FASTKD3: variants seen among roughly 807,000 people sequenced by gnomAD.
The protein encoded by FASTKD3 is FAST kinase domain-containing protein 3, mitochondrial.
FASTKD3 carries 47 observed loss-of-function variants against 49.7 expected under a neutral mutation model. That is an observed-to-expected ratio of 0.95 (90% confidence interval 0.75 to 1.21). The LOEUF is 1.21. Ranked by LOEUF, FASTKD3 falls within the 50% of genes most tolerant of loss-of-function variation. FASTKD3 has a pLI of 0.00. For missense variants in FASTKD3, 748 were observed against 765.7 expected (o/e 0.98, Z 0.27); for synonymous variants, 284 against 288.6 (o/e 0.98, Z 0.16).
intron 6 of FASTKD3, among the ~76,000 whole-genome samples, chr5:7,860,104 T>C (rs1746426954): frequency 6.6e-6 from 1 of 152,172 alleles, no homozygotes; most frequent in Non-Finnish European, 1.5e-5. Flanking sequence ...GGGTCTTGAA[T>C]GTTAAGATGT....
rs775138318 is a variant in FASTKD3 at position 7,859,319 on chromosome 5, G to A, written c.*116C>T. ...ATAAGGAAAACTACAGATGCTTTCA[G>A]ATCACCAGTCTAGAACATATTCTGC... On this transcript the variant is annotated 3_prime_UTR_variant, in exon 7 of 7. Transcript: ENST00000264669. 7.5e-6 allele frequency: 4 copies of A among 534,994 alleles called. No individual in the cohort carries two copies. Among genetic ancestry groups the A allele is most frequent in the South Asian group, 3.5e-5 (1 of 28,946 alleles). 33.1% of individuals were successfully genotyped at this position (534,994 alleles called of 1,614,324 possible).
rs758385971 is a variant in FASTKD3, at chr5:7,859,536, G to T, written c.1888C>A (p.Pro630Thr). Residue 630 changes from proline to threonine, a missense_variant, in exon 7 of 7, where the codon CCC (proline) becomes ACC (threonine). Physicochemically the swap from Pro to Thr is conservative, Grantham distance 38. This residue lies in a region of FASTKD3 where 178 missense variants were observed against 182.2 expected (regional missense o/e 0.98). Transcript: ENST00000264669. ...TTTAGCATCCCAATCTCATGATAGG[G>T]GATCTGTAAAGGTAGAAAAGTAAAA... ...QLLGYQVVQI[P>T]YHEIGMLKSR... 6.3e-7 allele frequency: 1 copy of T among 1,583,780 alleles called. No individual in the cohort carries two copies. Among genetic ancestry groups the T allele is most frequent in the Non-Finnish European group, 8.6e-7 (1 of 1,161,152 alleles).
chr5:7,868,858 C>G (rs1747289219), intron 1 of FASTKD3, 121 bp downstream of exon 1: 1 of 544,892 alleles, frequency 1.8e-6, no homozygotes, highest in African/African-American at 1.9e-5. Context: ...CACCCCCAAA[C>G]TCGGCGCCCC....
Position 7,861,625 on chromosome 5 carries a change from C to A in FASTKD3, c.1727G>T (p.Gly576Val). 6.2e-7 allele frequency: 1 copy of A among 1,607,176 alleles called. No individual in the cohort carries two copies. The highest frequency in any genetic ancestry group is 1.1e-5 in the South Asian group (1 of 89,526). Residue 576 changes from glycine to valine, a missense_variant, in exon 5 of 7, where the codon GGA becomes GTA. By Grantham distance (109) the Gly-to-Val change is moderately radical (BLOSUM62 -3). Transcript: ENST00000264669. ...ATTAGCTGTGGATGGCAATACAAAT[C>A]CTTCTTCATCTAATTTAATTTCAAC... Reference protein sequence around the residue: ...IDVEIKLDEEGFVLPSTANED... With the variant: ...IDVEIKLDEEVFVLPSTANED...
At chr5:7,866,601 C>A in intron 2 of FASTKD3, 45 bp downstream of exon 2, 2 of 1,422,544 alleles carry the variant, frequency 1.4e-6, no homozygotes, top group South Asian at 2.8e-5. Flanking sequence ...ACTGCCAGTT[C>A]AAAGGTTACT....
chr5:7,863,889 T>C (rs1239478450), intron 3 of FASTKD3, among the ~76,000 whole-genome samples: 2 of 152,174 alleles, frequency 1.3e-5, no homozygotes, highest in Admixed American at 1.3e-4. Context: ...TCACTCTTGT[T>C]GCCCAGGCTG....
At position 7,867,832 on chromosome 5, in the gene FASTKD3, T is replaced by TA. The variant is rs1316791775; in HGVS notation, c.251dup (p.Ser85IlefsTer2). ...TTTGTTCAAGCCTGTCGCAGTCAGA[T>TA]ACTTGAGAGAACACTGGTCCACCGA... On this transcript the variant is annotated frameshift_variant, in exon 2 of 7. Coordinates refer to ENST00000264669, the MANE Select transcript of FASTKD3 (RefSeq NM_024091.4). LOFTEE classifies it high-confidence loss of function. The TA allele has an allele frequency of 6.2e-7, 1 of 1,614,080 alleles. No homozygotes were observed. The highest frequency in any genetic ancestry group is 1.3e-5 in the African/African-American group (1 of 74,914).
chr5:7,861,688 T>C, intron 4 of FASTKD3, 36 bp from the exon 5 acceptor site: 8 of 1,592,886 alleles, frequency 5.0e-6, no homozygotes, highest in Non-Finnish European at 6.0e-6. Flanking sequence ...CCTCGTGTGA[T>C]ACCCTCACAA....
chr5:7,868,644 G>A (rs1046654005), intron 1 of FASTKD3, among the ~76,000 whole-genome samples: 1 of 152,168 alleles, frequency 6.6e-6, no homozygotes, highest in Admixed American at 6.5e-5. Context: ...GAAGGTTAGT[G>A]TTGAAGGAAA....
Position 7,861,643 on chromosome 5 carries a change from A to C in FASTKD3, c.1709T>G (p.Ile570Ser). ...TPYCYTIDVE[I>S]KLDEEGFVLP... is the part of the protein sequence containing the mutation. ...TACAAATCCTTCTTCATCTAATTTAATTTCAACATCTGGTGAGAGAAGAAA... is the reference window on the plus strand; with the variant it reads ...TACAAATCCTTCTTCATCTAATTTACTTTCAACATCTGGTGAGAGAAGAAA... Residue 570 changes from isoleucine (I) to serine (S), a missense_variant, in exon 5 of 7, where the codon ATT becomes AGT. Ile to Ser is a moderately radical substitution (Grantham distance 142). Around this residue, in one of 3 missense-constraint regions of FASTKD3, gnomAD observed 178 missense variants for 182.2 expected, o/e 0.98. Transcript: ENST00000264669. The C allele has an allele frequency of 6.2e-7, 1 of 1,608,762 alleles. No individual in the cohort carries two copies. The highest frequency in any genetic ancestry group is 8.5e-7 in the Non-Finnish European group (1 of 1,177,268).
rs1746509155 is a variant in FASTKD3 at position 7,861,218 on chromosome 5, G to C, written c.1815C>G (p.Ser605Arg). The change falls in exon 6 of 7, where the codon AGC becomes AGG. Residue 605 changes from serine (S) to arginine (R), a missense_variant. Around this residue, in one of 3 missense-constraint regions of FASTKD3, gnomAD observed 178 missense variants for 182.2 expected, o/e 0.98. Transcript: ENST00000264669. ...IDGPKRFCSN[S>R]KHLLGKEAIK... ...TAGCTTCTTTCCCCAGTAAGTGTTT[G>C]CTATTGGAGCAAAACCTTTTTGGAC... 1 of 1,612,404 alleles carries C rather than the reference G, an allele frequency of 6.2e-7. No homozygotes were observed. Among genetic ancestry groups the C allele is most frequent in the Non-Finnish European group, 8.5e-7 (1 of 1,178,940 alleles).
At chr5:7,864,120 C>T (rs867648000) in intron 3 of FASTKD3, among the ~76,000 whole-genome samples, 4 of 152,006 alleles carry the variant, frequency 2.6e-5, no homozygotes, top group Non-Finnish European at 2.9e-5. Context: ...AAAAGTGCTG[C>T]GATTACAGGC....
chr5:7,866,567 T>C (rs74569899), intron 2 of FASTKD3, 79 bp downstream of exon 2: 2 of 1,057,630 alleles, frequency 1.9e-6, no homozygotes, highest in African/African-American at 3.2e-5. Context: ...GGCAACATAT[T>C]GCCTTTATAT....
chr5:7,860,999 A>G (rs1047896990), intron 6 of FASTKD3, 150 bp downstream of exon 6: 1 of 509,934 alleles, frequency 2.0e-6, no homozygotes, highest in African/African-American at 1.9e-5. Context: ...AGCCATTTCG[A>G]GTTTTGTGCT....
At position 7,862,333 on chromosome 5, in the gene FASTKD3, GCAGCCATGAGC is replaced by G. The variant is rs890455427; in HGVS notation, c.1699+479_1699+489del. On this transcript the variant is annotated intron_variant, in intron 4 of 6. Coordinates refer to ENST00000264669, the MANE Select transcript of FASTKD3 (RefSeq NM_024091.4). The stretch of plus-strand genomic sequence containing the variant: ...CTTTATAATGGTGCTGTCCAATTTG[GCAGCCATGAGC>G]CACATGTGGCTACTGAGCACTTACA... Among the ~76,000 whole-genome samples the G allele has an allele frequency of 1.4e-4, 21 of 152,062 alleles. 1 individual carries two copies. The highest frequency in any genetic ancestry group is 8.5e-4 in the Admixed American group (13 of 15,266).
At chr5:7,859,996 G>A (rs964956998) in intron 6 of FASTKD3, among the ~76,000 whole-genome samples, 2 of 152,138 alleles carry the variant, frequency 1.3e-5, no homozygotes, top group Non-Finnish European at 2.9e-5. Flanking sequence ...GAGGGAGAGA[G>A]CAGGAGGCGC....
Position 7,859,500 on chromosome 5 carries a change from C to T in FASTKD3, c.1924G>A (p.Glu642Lys). 2 of 1,605,878 alleles carry T rather than the reference C, an allele frequency of 1.2e-6. No individual in the cohort carries two copies. The highest frequency in any genetic ancestry group is 1.7e-6 in the Non-Finnish European group (2 of 1,176,168). ...TTTCTTTGTAAATATTCCACCAATT[C>T]ACGTCTTGATTTTAGCATCCCAATC... Reference protein sequence around the residue: ...HEIGMLKSRRELVEYLQRKLF... With the variant: ...HEIGMLKSRRKLVEYLQRKLF... Residue 642 changes from glutamate to lysine, a missense_variant, in exon 7 of 7, where the codon GAA (glutamate) becomes AAA (lysine). Glu to Lys is a moderately conservative substitution (Grantham distance 56). Coordinates refer to ENST00000264669, the MANE Select transcript of FASTKD3 (RefSeq NM_024091.4).
intron 3 of FASTKD3, 98 bp downstream of exon 3, chr5:7,865,800 C>A: frequency 1.2e-6 from 1 of 857,746 alleles, no homozygotes; most frequent in South Asian, 1.9e-5. Context: ...AAATGAAATT[C>A]TGCTTTTTCA....
chr5:7,868,173 G>A lies in FASTKD3; in HGVS notation c.-90C>T. On this transcript the variant is annotated 5_prime_UTR_variant, in exon 2 of 7. Coordinates refer to ENST00000264669, the MANE Select transcript of FASTKD3 (RefSeq NM_024091.4). ...AGAACATGATTGACCCAACATCAAT[G>A]TTTATGAAACTACAAACGAGTATCT... 3 of 320,318 alleles carry A rather than the reference G, an allele frequency of 9.4e-6. No homozygotes were observed. In the Admixed American group the frequency reaches 1.6e-4, roughly 17 times the overall value. 19.8% of individuals were successfully genotyped at this position (320,318 alleles called of 1,614,324 possible). A position where few individuals can be genotyped will look rare whatever the true frequency, so the allele number is the denominator to read the frequency against.
Sources: allele counts gnomAD v4.1 joint callset (sites outside exome capture counted in the v4.1 genomes callset), GRCh38; gene constraint gnomAD v4.1.1; regional missense constraint gnomAD v4.1.1; transcripts MANE v1.5; gene names NCBI Gene and HGNC (gene_info 2026-07-23, HGNC 2026-07-21).